Variants in ERBB4 observed in about 807,000 individuals in gnomAD.
The protein encoded by ERBB4 is erb-b2 receptor tyrosine kinase 4, also known as receptor tyrosine-protein kinase erbB-4.
Under a neutral mutation model 158.0 loss-of-function variants are expected in ERBB4, and 42 were observed. The ratio of observed to expected loss-of-function variants is 0.27; its 90% confidence interval spans 0.21 to 0.34. The LOEUF (loss-of-function observed/expected upper bound fraction) is 0.34. ERBB4 is among the 10% of genes least tolerant of loss of function. The pLI is 1.00. For synonymous variants in ERBB4, 583 were observed against 558.7 expected (o/e 1.04, Z -0.61); for missense variants, 1,333 against 1,624.1 (o/e 0.82, Z 3.08).
intron 1 of ERBB4, among the ~76,000 whole-genome samples, chr2:212,514,170 C>G (rs1207302372): frequency 2.6e-5 from 4 of 151,174 alleles, no homozygotes; most frequent in Non-Finnish European, 5.9e-5. Context: ...ATGCATTGCA[C>G]TGAAATTGTG....
chr2:212,272,333 C>A (rs115288007), intron 1 of ERBB4, among the ~76,000 whole-genome samples: 1,798 of 151,156 alleles, frequency 0.012, 33 homozygotes, highest in African/African-American at 0.042. Context: ...AACTGCTCAA[C>A]AATTCCCATT....
rs181712815 is a variant in ERBB4, at chr2:211,805,006, G to A, written c.422-16847C>T. 1.0e-4 allele frequency among the ~76,000 whole-genome samples: 15 copies of A among 149,312 alleles called. No homozygotes were observed. The East Asian group carries it at 2.0e-3, about 20-fold the overall frequency. ...ATGATCTTGGCTCACTGCAACCTCC[G>A]CCTCAAAGGTTCAAGTGATTCTTCT... On this transcript the variant is annotated intron_variant, in intron 3 of 27. Coordinates refer to ENST00000342788, the MANE Select transcript of ERBB4 (RefSeq NM_005235.3).
At chr2:211,927,854 T>C (rs1176107863) in intron 3 of ERBB4, among the ~76,000 whole-genome samples, 3 of 152,098 alleles carry the variant, frequency 2.0e-5, no homozygotes, top group Non-Finnish European at 4.4e-5. Context: ...ATTACTTAAT[T>C]AGCATAGCAA....
chr2:212,241,704 T>A (rs2084112807), intron 1 of ERBB4, among the ~76,000 whole-genome samples: 1 of 152,212 alleles, frequency 6.6e-6, no homozygotes, highest in African/African-American at 2.4e-5. Context: ...ACATACTGTC[T>A]AAAATCAGTA....
intron 19 of ERBB4, among the ~76,000 whole-genome samples, chr2:211,605,650 G>A (rs2068954930): frequency 6.6e-6 from 1 of 152,024 alleles, no homozygotes; most frequent in Non-Finnish European, 1.5e-5. Context: ...AATATCCCAA[G>A]TTATATCACA....
At chr2:211,615,568 G>A (rs7593315) in intron 19 of ERBB4, among the ~76,000 whole-genome samples, 129,475 of 152,070 alleles carry the variant, frequency 0.85, 55,595 homozygotes, top group Middle Eastern at 0.92. Context: ...AGACATATTC[G>A]GGTGAGCAGA....
chr2:211,422,791 C>T (rs1281565154), intron 23 of ERBB4, among the ~76,000 whole-genome samples: 1 of 151,840 alleles, frequency 6.6e-6, no homozygotes, highest in East Asian at 1.9e-4. Context: ...AAAGTGTTTT[C>T]TTGGTTTTAC....
At chr2:211,929,853 CATATAA>C (rs1389825500) in intron 3 of ERBB4, among the ~76,000 whole-genome samples, 1 of 152,068 alleles carries the variant, frequency 6.6e-6, no homozygotes, top group Non-Finnish European at 1.5e-5. Context: ...TACACATGTA[CATATAA>C]ATATATGTAT....
At chr2:211,644,977 A>T (rs1279914010) in intron 16 of ERBB4, among the ~76,000 whole-genome samples, 1 of 151,962 alleles carries the variant, frequency 6.6e-6, no homozygotes, top group African/African-American at 2.4e-5. Flanking sequence ...TCTTAGAGCC[A>T]CGGGGGAGGA....
At chr2:212,456,449 A>T (rs1196783745) in intron 1 of ERBB4, among the ~76,000 whole-genome samples, 1 of 151,982 alleles carries the variant, frequency 6.6e-6, no homozygotes, top group Non-Finnish European at 1.5e-5. Context: ...GAAATCTGTA[A>T]GAGATGATTA....
At chr2:211,745,738 A>AC (rs2074951814) in intron 5 of ERBB4, among the ~76,000 whole-genome samples, 2 of 151,396 alleles carry the variant, frequency 1.3e-5, no homozygotes, top group Admixed American at 6.6e-5. Flanking sequence ...AACAAAACAA[A>AC]AAAAACCCTT....
chr2:211,889,800 G>A lies in ERBB4; in HGVS notation c.421+57630C>T, dbSNP rs191838554. On this transcript the variant is annotated intron_variant, in intron 3 of 27. Transcript: ENST00000342788. ...CCGATGCGATCAACTGGAAGAAAGGGTATCAGCAATGTAGGTGAAATGAAT... is the reference window on the plus strand; with the variant it reads ...CCGATGCGATCAACTGGAAGAAAGGATATCAGCAATGTAGGTGAAATGAAT... Among the ~76,000 whole-genome samples, 417 of 152,202 alleles carry A rather than the reference G, an allele frequency of 2.7e-3. 4 individuals carry two copies. The highest frequency in any genetic ancestry group is 0.01 in the Middle Eastern group (3 of 294).
At chr2:211,407,306 TCTAACA>T (rs1329648249) in intron 25 of ERBB4, among the ~76,000 whole-genome samples, 1 of 152,152 alleles carries the variant, frequency 6.6e-6, no homozygotes, top group Non-Finnish European at 1.5e-5. Flanking sequence ...GCCTGGTCTC[TCTAACA>T]CATAACTACA....
At chr2:212,520,639 T>C (rs767243452) in intron 1 of ERBB4, among the ~76,000 whole-genome samples, 19 of 151,980 alleles carry the variant, frequency 1.3e-4, no homozygotes, top group Admixed American at 2.6e-4. Flanking sequence ...TTAAATTTGT[T>C]CTTATCTTTT....
At chr2:211,945,281 T>C (rs554586545) in intron 3 of ERBB4, among the ~76,000 whole-genome samples, 33 of 152,270 alleles carry the variant, frequency 2.2e-4, no homozygotes, top group African/African-American at 7.9e-4. Flanking sequence ...ATGTAACTTC[T>C]GATTCTTACA....
chr2:211,912,323 C>A (rs1333577668), intron 3 of ERBB4, among the ~76,000 whole-genome samples: 1 of 151,784 alleles, frequency 6.6e-6, no homozygotes, highest in African/African-American at 2.4e-5. Flanking sequence ...AGCTTCATGG[C>A]TTTAATTTGG....
chr2:211,909,748 G>A (rs1436807649), intron 3 of ERBB4, among the ~76,000 whole-genome samples: 1 of 151,694 alleles, frequency 6.6e-6, no homozygotes, highest in Admixed American at 6.6e-5. Flanking sequence ...ATGTGTGTTT[G>A]TGTGTATGTA....
At chr2:211,731,775 C>A (rs2074433452) in intron 5 of ERBB4, among the ~76,000 whole-genome samples, 1 of 152,100 alleles carries the variant, frequency 6.6e-6, no homozygotes, top group Non-Finnish European at 1.5e-5. Context: ...ATAAAGCTCA[C>A]AGACCATCCA....
intron 1 of ERBB4, among the ~76,000 whole-genome samples, chr2:212,147,416 C>T (rs2080719588): frequency 6.6e-6 from 1 of 151,898 alleles, no homozygotes; most frequent in African/African-American, 2.4e-5. Context: ...ATAGGATGAT[C>T]TGTAAGGTCA....
Sources: gnomAD v4.1 joint callset for allele counts (sites outside exome capture counted in the v4.1 genomes callset) on GRCh38, gnomAD v4.1.1 for gene constraint, MANE v1.5 for transcripts, NCBI Gene and HGNC (gene_info 2026-07-23, HGNC 2026-07-21) for gene names.